Variants in LINGO2 observed in about 807,000 individuals in gnomAD.
The protein encoded by LINGO2 is leucine-rich repeat and immunoglobulin-like domain-containing nogo receptor-interacting protein 2.
In LINGO2, 14 loss-of-function variants were observed where a neutral mutation model predicts 30.6. That is an observed-to-expected ratio of 0.46 (90% CI 0.30 to 0.72). The LOEUF (loss-of-function observed/expected upper bound fraction) is 0.72. Ranked by LOEUF, LINGO2 falls within the 30% of genes least tolerant of loss-of-function variation. The probability of loss-of-function intolerance (pLI) is 0.07; values close to 1 mark genes in which losing one functional copy is unlikely to be tolerated. For synonymous variants in LINGO2, 317 were observed against 288.5 expected (o/e 1.10, Z -1.00); for missense variants, 729 against 751.7 (o/e 0.97, Z 0.35).
the LINGO2 span, among the ~76,000 whole-genome samples, chr9:28,932,125 AATAAAATAAG>A: frequency 1.5e-4 from 21 of 137,862 alleles, 1 homozygote; most frequent in Non-Finnish European, 2.7e-4. Flanking sequence ...AATAAAATAA[AATAAAATAAG>A]ATAAAATAAA....
the LINGO2 span, among the ~76,000 whole-genome samples, chr9:29,068,743 C>T: frequency 6.6e-6 from 1 of 151,644 alleles, no homozygotes; most frequent in African/African-American, 2.4e-5. Context: ...GAATAGAAAC[C>T]AACACACAGT....
At chr9:28,507,247 G>GCA (rs1820187919) in intron 1 of LINGO2, among the ~76,000 whole-genome samples, 2 of 136,720 alleles carry the variant, frequency 1.5e-5, no homozygotes, top group South Asian at 2.4e-4. Context: ...GCGTGCGTGC[G>GCA]CACATGTGTG....
chr9:28,053,453 G>A (rs922835670), intron 4 of LINGO2, among the ~76,000 whole-genome samples: 2 of 152,076 alleles, frequency 1.3e-5, no homozygotes, highest in African/African-American at 4.8e-5. Context: ...ACGAATAAAT[G>A]GTAGTTGTTT....
intron 5 of LINGO2, among the ~76,000 whole-genome samples, chr9:27,991,527 C>T (rs768710523): frequency 9.9e-5 from 15 of 152,126 alleles, no homozygotes; most frequent in African/African-American, 3.4e-4. Context: ...AGATGCTAGG[C>T]GTCAAGGCAT....
At chr9:29,117,737 C>T in the LINGO2 span, among the ~76,000 whole-genome samples, 1 of 152,168 alleles carries the variant, frequency 6.6e-6, no homozygotes, top group Non-Finnish European at 1.5e-5. Context: ...GGTGTGGCAG[C>T]GTTGTCATCT....
chr9:28,771,583 C>G, the LINGO2 span, among the ~76,000 whole-genome samples: 1 of 150,470 alleles, frequency 6.6e-6, no homozygotes, highest in East Asian at 2.0e-4. Context: ...CCCAGTAAAA[C>G]CATTTGTGAA....
the LINGO2 span, among the ~76,000 whole-genome samples, chr9:28,675,633 G>A: frequency 1.5e-4 from 23 of 151,786 alleles, 1 homozygote; most frequent in East Asian, 2.1e-3. Context: ...TACTTTGGGA[G>A]GCTGAGACGA....
chr9:27,987,104 A>G (rs1227186753), intron 5 of LINGO2, among the ~76,000 whole-genome samples: 1 of 151,882 alleles, frequency 6.6e-6, no homozygotes, highest in East Asian at 1.9e-4. Context: ...TACTCAATAA[A>G]TGAAGCTAAA....
Position 28,358,726 on chromosome 9 carries a change from T to C in LINGO2, c.-246+14110A>G, listed in dbSNP as rs944402513. Among the ~76,000 whole-genome samples, 5 of 152,258 alleles carry C rather than the reference T, an allele frequency of 3.3e-5. 1 individual carries two copies. The Middle Eastern group carries it at 0.014, about 414-fold the overall frequency. ...TGGCAGTGGTACCCAGACCACAGGG[T>C]TGACGTGAAGCACTACATACCTGGC... On this transcript the variant is annotated intron_variant, in intron 3 of 5. Coordinates refer to ENST00000379992, the Ensembl canonical transcript of LINGO2.
At chr9:28,292,874 CA>C (rs1275818959) in intron 4 of LINGO2, among the ~76,000 whole-genome samples, 1 of 151,456 alleles carries the variant, frequency 6.6e-6, no homozygotes, top group Non-Finnish European at 1.5e-5. Context: ...GGGTTCATGC[CA>C]TTCTCCTGTC....
At chr9:28,637,672 G>A (rs1827349158) in intron 1 of LINGO2, among the ~76,000 whole-genome samples, 1 of 152,122 alleles carries the variant, frequency 6.6e-6, no homozygotes, top group South Asian at 2.1e-4. Flanking sequence ...CATTGATTTT[G>A]AATCCTGAGA....
chr9:28,804,752 A>G, the LINGO2 span, among the ~76,000 whole-genome samples: 1 of 152,094 alleles, frequency 6.6e-6, no homozygotes, highest in Non-Finnish European at 1.5e-5. Flanking sequence ...CAGTTTCTAG[A>G]TCATTAAGTC....
chr9:28,492,474 C>T (rs2135272705), intron 1 of LINGO2, among the ~76,000 whole-genome samples: 1 of 152,232 alleles, frequency 6.6e-6, no homozygotes, highest in Non-Finnish European at 1.5e-5. Context: ...ATGCTGTTGG[C>T]AACCTGAAGC....
chr9:28,567,467 AG>A (rs1823440168), intron 1 of LINGO2, among the ~76,000 whole-genome samples: 1 of 152,150 alleles, frequency 6.6e-6, no homozygotes. Context: ...ATGCAGCCAT[AG>A]AAAAAAACAA....
At chr9:28,649,934 T>C (rs1828014993) in intron 1 of LINGO2, among the ~76,000 whole-genome samples, 1 of 151,944 alleles carries the variant, frequency 6.6e-6, no homozygotes, top group East Asian at 1.9e-4. Flanking sequence ...TCTACAGAGT[T>C]TGGTCAGTAT....
At chr9:28,903,924 A>C in the LINGO2 span, among the ~76,000 whole-genome samples, 75 of 2,358 alleles carry the variant, frequency 0.032, no homozygotes, top group African/African-American at 0.047. Flanking sequence ...AAAAAAACTT[A>C]AGAGATTCCA....
the LINGO2 span, among the ~76,000 whole-genome samples, chr9:28,688,647 A>C: frequency 0.025 from 3,798 of 152,260 alleles, 161 homozygotes; most frequent in African/African-American, 0.084. Context: ...AAACAACAAG[A>C]ACTAATTATT....
chr9:29,053,418 G>A, the LINGO2 span, among the ~76,000 whole-genome samples: 8 of 152,230 alleles, frequency 5.3e-5, no homozygotes, highest in African/African-American at 1.9e-4. Flanking sequence ...CCTATGGGTG[G>A]GGGGAAGGGG....
the LINGO2 span, among the ~76,000 whole-genome samples, chr9:29,050,304 CGT>C: frequency 4.3e-3 from 657 of 152,310 alleles, 9 homozygotes; most frequent in South Asian, 0.035. Context: ...GGATTACAGG[CGT>C]AGCCACCACG....
Sources: gnomAD v4.1 joint callset for allele counts (sites outside exome capture counted in the v4.1 genomes callset) on GRCh38, gnomAD v4.1.1 for gene constraint, MANE v1.5 for transcripts, NCBI Gene and HGNC (gene_info 2026-07-23, HGNC 2026-07-21) for gene names.